Variants in PPAT observed in about 807,000 individuals in gnomAD.
PPAT encodes amidophosphoribosyltransferase.
Under a neutral mutation model 60.2 loss-of-function variants are expected in PPAT, and 20 were observed. The ratio of observed to expected loss-of-function variants is 0.33; its 90% CI spans 0.23 to 0.48. The LOEUF is 0.48. Among genes scored for constraint, PPAT ranks in the 20% least tolerant of loss-of-function variants. The pLI, the probability that PPAT is intolerant of heterozygous loss-of-function variation, is 0.99. For missense variants in PPAT, 349 were observed against 629.6 expected (o/e 0.55, Z 4.77); for synonymous variants, 194 against 215.1 (o/e 0.90, Z 0.86).
intron 1 of PPAT, chr4:56,425,385 GAGA>G: frequency 2.3e-6 from 2 of 855,440 alleles, no homozygotes. Context: ...CATCCAGATA[GAGA>G]AGAACTTATT....
At chr4:56,421,593 A>G (rs2110058931) in intron 1 of PPAT, 1 of 152,336 alleles carries the variant, frequency 6.6e-6, no homozygotes, top group African/African-American at 2.4e-5. Context: ...GGCTTAAATG[A>G]TGAGTCCCAA....
At chr4:56,423,768 T>G (rs1717156972) in intron 1 of PPAT, among the ~76,000 whole-genome samples, 1 of 152,030 alleles carries the variant, frequency 6.6e-6, no homozygotes. Flanking sequence ...TTATATTATT[T>G]TAAACTGTCA....
chr4:56,419,566 G>A (rs1716936739), intron 1 of PPAT: 1 of 544,056 alleles, frequency 1.8e-6, no homozygotes, highest in Non-Finnish European at 2.3e-6. Flanking sequence ...TATTTACCTT[G>A]TCTGATGTAT....
chr4:56,407,618 T>C (rs1465680273), intron 2 of PPAT, 32 bp downstream of exon 2: 2 of 1,543,320 alleles, frequency 1.3e-6, no homozygotes, highest in African/African-American at 2.7e-5. Flanking sequence ...GCACTTGGTC[T>C]GTCATCAACA....
In PPAT at chr4:56,401,438, T is replaced by C; in HGVS notation, c.778A>G (p.Arg260Gly). The change falls in exon 7 of 11, where the codon AGA becomes GGA. Residue 260 changes from arginine (R) to glycine (G), a missense_variant. Arg to Gly is a moderately radical substitution (Grantham distance 125, BLOSUM62 -2). This residue lies in a region of PPAT where 167 missense variants were observed against 328.6 expected (regional missense o/e 0.51). Transcript: ENST00000264220. Reference sequence around the variant, plus strand: ...ATATCAAGAGTTTGGACATTGTGTCTGGATATTTCCACAATTTCTCCAGGC... The same window carrying C: ...ATATCAAGAGTTTGGACATTGTGTCCGGATATTTCCACAATTTCTCCAGGC... Reference protein sequence around the residue: ...VLPGEIVEISRHNVQTLDIIS... With the variant: ...VLPGEIVEISGHNVQTLDIIS... 1 of 1,605,420 alleles carries C rather than the reference T, an allele frequency of 6.2e-7. No homozygotes were observed. Among genetic ancestry groups the C allele is most frequent in the Non-Finnish European group, 8.5e-7 (1 of 1,174,760 alleles).
At chr4:56,404,339 ATCATAATGGTGGCTACCC>A (rs1237766574) in intron 3 of PPAT, among the ~76,000 whole-genome samples, 17 of 152,332 alleles carry the variant, frequency 1.1e-4, no homozygotes, top group African/African-American at 3.8e-4. Flanking sequence ...TTTGTTAGTG[ATCATAATGGTGGCTACCC>A]ATCCTCATTG....
rs767037962 is a variant in PPAT, at chr4:56,435,335, C to T, written c.128+15G>A. 1 of 1,613,444 alleles carries T rather than the reference C, an allele frequency of 6.2e-7. No homozygotes were observed. Among genetic ancestry groups the T allele is most frequent in the Admixed American group, 1.7e-5 (1 of 59,964 alleles). ...TGGAGACGCACGCCCCCGCCACCCC[C>T]ACCCTGTTGCTCACCGGTGCTGCAG... is the stretch of plus-strand genomic sequence containing the variant. On this transcript the variant is annotated intron_variant, in intron 1 of 10. Coordinates refer to ENST00000264220, the MANE Select transcript of PPAT (RefSeq NM_002703.5).
chr4:56,401,510 CTT>C (rs778721078), intron 6 of PPAT, 29 bp from the exon 7 acceptor site: 10 of 1,551,978 alleles, frequency 6.4e-6, no homozygotes, highest in African/African-American at 1.4e-5. Context: ...AGAAAGAAGA[CTT>C]TTAATAAACT....
At chr4:56,405,145 A>C (rs1716214436) in intron 3 of PPAT, among the ~76,000 whole-genome samples, 1 of 152,136 alleles carries the variant, frequency 6.6e-6, no homozygotes, top group South Asian at 2.1e-4. Context: ...ATAGGCACAA[A>C]TTTGACATCA....
At chr4:56,407,907 G>A (rs971484988) in intron 1 of PPAT, among the ~76,000 whole-genome samples, 191 bp from the exon 2 acceptor site, 3 of 152,178 alleles carry the variant, frequency 2.0e-5, no homozygotes, top group Non-Finnish European at 4.4e-5. Context: ...AGATGACAAT[G>A]TAACAATTAG....
chr4:56,402,839 AAAAAAAAAAG>A lies in PPAT; in HGVS notation c.661+191_661+200del, dbSNP rs1291354844. Among the ~76,000 whole-genome samples, 211 of 121,908 alleles carry A rather than the reference AAAAAAAAAAG, an allele frequency of 1.7e-3. 2 individuals carry two copies. The highest frequency in any genetic ancestry group is 6.2e-3 in the African/African-American group (202 of 32,564). 80.0% of individuals were successfully genotyped at this position (121,908 alleles called of 152,430 possible). On this transcript the variant is annotated intron_variant, in intron 5 of 10. Transcript: ENST00000264220. ...GGTCTCCAAAAAAAAAAAAAAAAAA[AAAAAAAAAAG>A]GGGGGGGACTCATCCTCAGGAGTAC... is the stretch of plus-strand genomic sequence containing the variant.
chr4:56,395,239 A>T lies in PPAT; in HGVS notation c.*113T>A, dbSNP rs1560635818. On this transcript the variant is annotated 3_prime_UTR_variant, in exon 11 of 11. Coordinates refer to ENST00000264220, the MANE Select transcript of PPAT (RefSeq NM_002703.5). The stretch of plus-strand genomic sequence containing the variant: ...AAAAATCTCAAAACTTATAAACATA[A>T]GCATGGCATTTTACATTGTACCAAC... 1.0e-6 allele frequency: 1 copy of T among 965,216 alleles called. No homozygotes were observed. The highest frequency in any genetic ancestry group is 1.9e-5 in the South Asian group (1 of 53,546). 59.8% of individuals were successfully genotyped at this position (965,216 alleles called of 1,614,324 possible). A position where few individuals can be genotyped will look rare whatever the true frequency, so the allele number is the denominator to read the frequency against.
intron 1 of PPAT, among the ~76,000 whole-genome samples, chr4:56,426,797 T>A (rs761815526): frequency 5.3e-5 from 8 of 152,204 alleles, no homozygotes; most frequent in Non-Finnish European, 8.8e-5. Context: ...ATTATACCCA[T>A]AAGTACGTTC....
At chr4:56,408,395 C>T (rs1716300856) in intron 1 of PPAT, 1 of 146,970 alleles carries the variant, frequency 6.8e-6, no homozygotes, top group Admixed American at 7.0e-5. Context: ...GATCGCACCA[C>T]TGCACTCCAG....
At chr4:56,433,164 T>C (rs1717692622) in intron 1 of PPAT, among the ~76,000 whole-genome samples, 1 of 151,960 alleles carries the variant, frequency 6.6e-6, no homozygotes, top group African/African-American at 2.4e-5. Context: ...CTTTAGCTCA[T>C]GTAAAATTTT....
At chr4:56,407,786 C>A in intron 1 of PPAT, 70 bp from the exon 2 acceptor site, 2 of 1,197,104 alleles carry the variant, frequency 1.7e-6, no homozygotes, top group Non-Finnish European at 2.5e-6. Context: ...CTTTATCAAG[C>A]ATACTTTCTC....
In PPAT at chr4:56,395,607, C is replaced by T. The variant is rs1161698436; in HGVS notation, c.1358-59G>A. 20 of 1,249,564 alleles carry T rather than the reference C, an allele frequency of 1.6e-5. 1 individual carries two copies. Among genetic ancestry groups the T allele is most frequent in the Admixed American group, 1.3e-4 (4 of 29,820 alleles). 77.4% of individuals were successfully genotyped at this position (1,249,564 alleles called of 1,614,324 possible). ...GAATTCCTTTAGAAAGGAAGAAACG[C>T]GTCAACAGAGAATAGTTACAAACAG... On this transcript the variant is annotated intron_variant, in intron 10 of 10. Transcript: ENST00000264220.
rs926953710 is a variant in PPAT at position 56,412,205 on chromosome 4, C to G, written c.129-4489G>C. ...GTACTCCCTTGGCTCCAAACTCCTT[C>G]GTTTTCACTCATAAACAGAGGGACT... is the stretch of plus-strand genomic sequence containing the variant. On this transcript the variant is annotated intron_variant, in intron 1 of 10. Transcript: ENST00000264220. Among the ~76,000 whole-genome samples, 19 of 152,172 alleles carry G rather than the reference C, an allele frequency of 1.2e-4. No individual in the cohort carries two copies. The East Asian group carries it at 3.1e-3, about 25-fold the overall frequency.
At chr4:56,422,678 T>C (rs1413146059) in intron 1 of PPAT, 1 of 152,118 alleles carries the variant, frequency 6.6e-6, no homozygotes, top group Non-Finnish European at 1.5e-5. Context: ...ATGAGAGTGG[T>C]GCCCTCATAA....
Sources: allele counts gnomAD v4.1 joint callset (sites outside exome capture counted in the v4.1 genomes callset), GRCh38; gene constraint gnomAD v4.1.1; regional missense constraint gnomAD v4.1.1; transcripts MANE v1.5; gene names NCBI Gene and HGNC (gene_info 2026-07-23, HGNC 2026-07-21).